Variants in PTK2 observed in about 807,000 individuals in gnomAD.
PTK2 encodes protein tyrosine kinase 2, also known as focal adhesion kinase 1.
PTK2 carries 45 observed loss-of-function variants against 150.1 expected under a neutral mutation model. The observed-to-expected ratio is 0.30, with a 90% CI of 0.24 to 0.38. PTK2 has a LOEUF of 0.38. PTK2 is among the 10% of genes least tolerant of loss of function. The probability of loss-of-function intolerance (pLI) is 1.00; values close to 1 mark genes in which losing one functional copy is unlikely to be tolerated. For synonymous variants in PTK2, 432 were observed against 449.2 expected (o/e 0.96, Z 0.48); for missense variants, 919 against 1,307.3 (o/e 0.70, Z 4.58).
intron 12 of PTK2, among the ~76,000 whole-genome samples, chr8:140,793,847 G>C (rs2100090023): frequency 6.6e-6 from 1 of 152,334 alleles, no homozygotes; most frequent in East Asian, 1.9e-4. Context: ...ATGAGAGAAG[G>C]CAAGTCCTGG....
chr8:140,803,419 T>C (rs888821453), intron 11 of PTK2, 124 bp downstream of exon 11: 29 of 741,506 alleles, frequency 3.9e-5, no homozygotes, highest in Non-Finnish European at 5.9e-5. Flanking sequence ...ACCCTTTCTA[T>C]ATATAAGAAA....
intron 1 of PTK2, among the ~76,000 whole-genome samples, chr8:140,965,810 G>A (rs931371286): frequency 1.3e-5 from 2 of 152,196 alleles, no homozygotes; most frequent in Non-Finnish European, 2.9e-5. Context: ...CCAGGAGGAA[G>A]GGGTTGCAGT....
At chr8:140,982,222 A>C (rs1047182359) in intron 1 of PTK2, among the ~76,000 whole-genome samples, 1 of 152,222 alleles carries the variant, frequency 6.6e-6, no homozygotes, top group Admixed American at 6.5e-5. Context: ...AAGTCTGTGG[A>C]GAGTCCCCAC....
intron 7 of PTK2, among the ~76,000 whole-genome samples, chr8:140,838,078 TA>T (rs1414665287): frequency 2.0e-5 from 3 of 151,788 alleles, no homozygotes; most frequent in African/African-American, 7.3e-5. Flanking sequence ...AAAAGTACAG[TA>T]AAGCTGAAAG....
rs1228368128 is a variant in PTK2, at chr8:140,743,346, T to G, written c.1635-16A>C. 2 of 1,594,790 alleles carry G rather than the reference T, an allele frequency of 1.3e-6. No individual in the cohort carries two copies. Among genetic ancestry groups the G allele is most frequent in the African/African-American group, 2.7e-5 (2 of 74,420 alleles). ...AGCAATGTCCCTGATAAAGAAGAAT[T>G]TGAGACAATAAGACTTAAAATAAGA... On this transcript the variant is annotated splice_polypyrimidine_tract_variant and intron_variant, in intron 19 of 31. Transcript: ENST00000522684.
intron 26 of PTK2, among the ~76,000 whole-genome samples, chr8:140,699,195 TC>T (rs1243252269): frequency 6.6e-6 from 1 of 152,176 alleles, no homozygotes; most frequent in Non-Finnish European, 1.5e-5. Context: ...AAAGTTAGTG[TC>T]AGTGAATGTT....
At chr8:140,793,153 A>C (rs910840112) in intron 13 of PTK2, among the ~76,000 whole-genome samples, 1 of 152,244 alleles carries the variant, frequency 6.6e-6, no homozygotes, top group Non-Finnish European at 1.5e-5. Context: ...TAGAACTTAA[A>C]GGAAAAATTA....
intron 3 of PTK2, among the ~76,000 whole-genome samples, chr8:140,881,539 C>T (rs962500550): frequency 6.6e-6 from 1 of 152,206 alleles, no homozygotes; most frequent in Non-Finnish European, 1.5e-5. Flanking sequence ...ACTACCAATT[C>T]AAGAGGCGGC....
intron 1 of PTK2, among the ~76,000 whole-genome samples, chr8:140,956,016 C>T (rs183463879): frequency 3.9e-5 from 6 of 152,316 alleles, no homozygotes; most frequent in Non-Finnish European, 7.4e-5. Flanking sequence ...AAACAGAGGT[C>T]GATCTAGTCA....
chr8:140,911,741 G>GT (rs1312648883), intron 2 of PTK2, among the ~76,000 whole-genome samples: 1 of 131,552 alleles, frequency 7.6e-6, no homozygotes, highest in African/African-American at 2.6e-5. Context: ...TCACTATAAT[G>GT]TTTTTCTTAA....
intron 12 of PTK2, among the ~76,000 whole-genome samples, chr8:140,799,548 T>C (rs1288714277): frequency 6.6e-6 from 1 of 152,210 alleles, no homozygotes; most frequent in African/African-American, 2.4e-5. Context: ...AAAATAGGTA[T>C]CATTCTTTTA....
intron 2 of PTK2, among the ~76,000 whole-genome samples, chr8:140,892,122 A>T (rs997792061): frequency 4.6e-5 from 7 of 152,130 alleles, no homozygotes; most frequent in African/African-American, 7.2e-5. Flanking sequence ...GTGGGAGGAT[A>T]GCTTGAGCCC....
At chr8:140,972,062 A>G (rs2100187476) in intron 1 of PTK2, among the ~76,000 whole-genome samples, 1 of 152,194 alleles carries the variant, frequency 6.6e-6, no homozygotes, top group Non-Finnish European at 1.5e-5. Context: ...ACATTTTTCA[A>G]AGATAAAATA....
intron 14 of PTK2, among the ~76,000 whole-genome samples, chr8:140,768,496 C>T (rs952211924): frequency 2.0e-5 from 3 of 152,208 alleles, no homozygotes; most frequent in Non-Finnish European, 2.9e-5. Context: ...TGCTTGTAAT[C>T]CCTCAGCTAG....
intron 3 of PTK2, among the ~76,000 whole-genome samples, chr8:140,881,887 G>C (rs1300106698): frequency 3.3e-5 from 5 of 152,188 alleles, no homozygotes; most frequent in Non-Finnish European, 7.4e-5. Context: ...ACGTAAGAGA[G>C]AGAATCTTAT....
chr8:140,669,757 G>C, intron 29 of PTK2, 22 bp from the exon 33 acceptor site: 1 of 1,530,890 alleles, frequency 6.5e-7, no homozygotes, highest in Non-Finnish European at 8.8e-7. Flanking sequence ...CGGAAGGTGA[G>C]GAAAAGTTAA....
intron 1 of PTK2, among the ~76,000 whole-genome samples, chr8:140,959,167 T>C (rs1285353853): frequency 2.5e-5 from 3 of 119,740 alleles, no homozygotes; most frequent in Non-Finnish European, 6.3e-5. Context: ...GAAGTCAAGA[T>C]GATGGAAAAG....
chr8:140,749,795 T>C (rs907715198), intron 17 of PTK2, among the ~76,000 whole-genome samples: 1 of 152,208 alleles, frequency 6.6e-6, no homozygotes, highest in Non-Finnish European at 1.5e-5. Context: ...ACTACATCTA[T>C]CACATTTCCC....
intron 14 of PTK2, among the ~76,000 whole-genome samples, chr8:140,789,132 A>T (rs1469612379): frequency 6.6e-6 from 1 of 152,252 alleles, no homozygotes; most frequent in East Asian, 1.9e-4. Flanking sequence ...CTTAAAATAA[A>T]TATGCAAAGT....
Sources: allele counts gnomAD v4.1 joint callset (sites outside exome capture counted in the v4.1 genomes callset), GRCh38; gene constraint gnomAD v4.1.1; transcripts MANE v1.5; gene names NCBI Gene and HGNC (gene_info 2026-07-23, HGNC 2026-07-21).